The following PRR5L variants were observed in gnomAD, a reference collection of about 807,000 sequenced individuals.
PRR5L encodes the protein proline-rich protein 5-like.
PRR5L carries 21 observed loss-of-function variants against 36.4 expected under a neutral mutation model. That is an observed-to-expected ratio of 0.58 (90% confidence interval 0.41 to 0.83). The LOEUF (loss-of-function observed/expected upper bound fraction) is 0.83, where lower values mean the gene tolerates loss of function less well. Ranked by LOEUF, PRR5L falls within the 40% of genes least tolerant of loss-of-function variation. The pLI, the probability that PRR5L is intolerant of heterozygous loss-of-function variation, is 0.00. For synonymous variants in PRR5L, 188 were observed against 197.0 expected, an observed-to-expected ratio of 0.95 and a Z score of 0.38; for missense variants, 381 against 473.3, an observed-to-expected ratio of 0.80 and a Z score of 1.81.
At chr11:36,372,227 C>T (rs932649620) in intron 1 of PRR5L, among the ~76,000 whole-genome samples, 8 of 152,178 alleles carry the variant, frequency 5.3e-5, no homozygotes, top group Non-Finnish European at 1.2e-4. Flanking sequence ...AAACAAGTCA[C>T]CTAACCCTGC....
At chr11:36,314,005 GCTT>G (rs1856530031) in intron 1 of PRR5L, among the ~76,000 whole-genome samples, 1 of 152,122 alleles carries the variant, frequency 6.6e-6, no homozygotes, top group African/African-American at 2.4e-5. Flanking sequence ...AATTCCATGT[GCTT>G]CAATTTCTCT....
intron 1 of PRR5L, among the ~76,000 whole-genome samples, chr11:36,386,867 C>G (rs1323545030): frequency 6.6e-6 from 1 of 152,182 alleles, no homozygotes; most frequent in African/African-American, 2.4e-5. Context: ...CATGGCCAGC[C>G]TCTGATGATA....
intron 8 of PRR5L, among the ~76,000 whole-genome samples, chr11:36,458,611 A>T (rs573263895): frequency 6.6e-6 from 1 of 152,324 alleles, no homozygotes; most frequent in Non-Finnish European, 1.5e-5. Context: ...AGCTGCTGTG[A>T]GCTTTGCAGA....
At chr11:36,320,477 G>A (rs1325540779) in intron 1 of PRR5L, among the ~76,000 whole-genome samples, 1 of 151,796 alleles carries the variant, frequency 6.6e-6, no homozygotes, top group Non-Finnish European at 1.5e-5. Context: ...CTTTTTCCAT[G>A]TATTCATCAT....
intron 1 of PRR5L, among the ~76,000 whole-genome samples, chr11:36,308,937 C>G (rs1199758733): frequency 2.0e-5 from 3 of 152,166 alleles, no homozygotes; most frequent in African/African-American, 4.8e-5. Context: ...CAGAATTGCC[C>G]TAGTCAACCT....
At chr11:36,454,822 C>T (rs1467166) in intron 8 of PRR5L, 80,185 of 152,268 alleles carry the variant, frequency 0.53, 21,758 homozygotes, top group South Asian at 0.69. Context: ...CCCCTGGGTA[C>T]GCATAGGTCA....
At chr11:36,381,621 G>T (rs1214094131) in intron 1 of PRR5L, 1 of 152,026 alleles carries the variant, frequency 6.6e-6, no homozygotes, top group Non-Finnish European at 1.5e-5. Context: ...TCTGGAACTG[G>T]CTCAATATCA....
chr11:36,302,989 A>G (rs1856393167), intron 1 of PRR5L, among the ~76,000 whole-genome samples: 1 of 152,156 alleles, frequency 6.6e-6, no homozygotes, highest in African/African-American at 2.4e-5. Context: ...CACCTGCTCA[A>G]GGTCACATAT....
intron 6 of PRR5L, among the ~76,000 whole-genome samples, chr11:36,445,471 T>C (rs960392027): frequency 2.0e-5 from 3 of 152,146 alleles, no homozygotes; most frequent in African/African-American, 7.2e-5. Context: ...GAACAACTGA[T>C]TTTTAGTGCA....
chr11:36,388,355 A>G (rs1442797443), intron 1 of PRR5L: 1 of 152,086 alleles, frequency 6.6e-6, no homozygotes, highest in Non-Finnish European at 1.5e-5. Flanking sequence ...AAATCATATG[A>G]CCTTTATTTG....
At chr11:36,332,204 G>C (rs1392761529) in intron 1 of PRR5L, among the ~76,000 whole-genome samples, 1 of 151,948 alleles carries the variant, frequency 6.6e-6, no homozygotes, top group African/African-American at 2.4e-5. Flanking sequence ...AAATGTAATA[G>C]CATTACAAAA....
rs183199341 is a variant in PRR5L, at chr11:36,448,030, T to C, written c.585+1590T>C. On this transcript the variant is annotated intron_variant, in intron 7 of 8. Transcript: ENST00000530639. ...GTTTAGGGCTGAGAAGCGATTCCTT[T>C]GTGTTTTGGGCGGTGGCGGTTTGTT... Among the ~76,000 whole-genome samples, 566 of 152,254 alleles carry C rather than the reference T, an allele frequency of 3.7e-3. 2 individuals are homozygous for C. The highest frequency in any genetic ancestry group is 6.7e-3 in the Non-Finnish European group (453 of 68,014).
chr11:36,310,995 CAAAAAAAAA>C (rs59947428), intron 1 of PRR5L, among the ~76,000 whole-genome samples: 16 of 88,404 alleles, frequency 1.8e-4, no homozygotes, highest in African/African-American at 7.3e-4. Flanking sequence ...ACTCCGTCTC[CAAAAAAAAA>C]AAAAAAAAAA....
At chr11:36,338,269 C>T (rs553352827) in intron 1 of PRR5L, among the ~76,000 whole-genome samples, 11 of 152,304 alleles carry the variant, frequency 7.2e-5, no homozygotes, top group African/African-American at 2.6e-4. Context: ...AATACTCTAT[C>T]CCCATTGAGC....
At chr11:36,384,629 C>T (rs1298680059) in intron 1 of PRR5L, among the ~76,000 whole-genome samples, 2 of 151,244 alleles carry the variant, frequency 1.3e-5, no homozygotes, top group Non-Finnish European at 1.5e-5. Context: ...CCCTTCCCTT[C>T]ATCTCTTTTT....
chr11:36,306,060 T>C (rs1195713451), intron 1 of PRR5L, among the ~76,000 whole-genome samples: 1 of 152,150 alleles, frequency 6.6e-6, no homozygotes, highest in Non-Finnish European at 1.5e-5. Context: ...TTCTTTTTTA[T>C]GGCTGAATAG....
rs780657900 is a variant in PRR5L, at chr11:36,462,567, G to A, written c.938G>A (p.Gly313Glu). 1.2e-6 allele frequency: 2 copies of A among 1,612,984 alleles called. No homozygotes were observed. ...AMATMMHSGL[G>E]EEASSENKCL... ...GCCACCATGATGCACTCGGGCCTGG[G>A]GGAGGAGGCCAGCAGTGAGAACAAG... The change falls in exon 9 of 9, where the codon GGG (glycine) becomes GAG (glutamate). Residue 313 changes from glycine to glutamate, a missense_variant. Coordinates refer to ENST00000530639, the MANE Select transcript of PRR5L (RefSeq NM_001160167.2).
At chr11:36,310,163 G>A (rs980965835) in intron 1 of PRR5L, among the ~76,000 whole-genome samples, 7 of 152,066 alleles carry the variant, frequency 4.6e-5, no homozygotes, top group African/African-American at 7.2e-5. Flanking sequence ...GGGTATTCTC[G>A]GTTCACAACT....
intron 5 of PRR5L, among the ~76,000 whole-genome samples, chr11:36,433,824 T>C (rs1858550085): frequency 2.6e-5 from 4 of 152,214 alleles, no homozygotes; most frequent in Admixed American, 2.6e-4. Flanking sequence ...ATTACAGGCA[T>C]GAGCCACTGT....
Sources: gnomAD v4.1 joint callset for allele counts (sites outside exome capture counted in the v4.1 genomes callset) on GRCh38, gnomAD v4.1.1 for gene constraint, MANE v1.5 for transcripts, NCBI Gene and HGNC (gene_info 2026-07-23, HGNC 2026-07-21) for gene names.